The following ITPR2 variants were observed in gnomAD, a reference collection of about 807,000 sequenced individuals.
ITPR2 encodes inositol 1,4,5-trisphosphate receptor type 2, also known as inositol 1,4,5-trisphosphate-gated calcium channel ITPR2.
ITPR2 carries 207 observed loss-of-function variants against 317.1 expected under a neutral mutation model. The observed-to-expected ratio is 0.65, with a 90% CI of 0.58 to 0.73. The LOEUF is 0.73. Ranked by LOEUF, ITPR2 falls within the 30% of genes least tolerant of loss-of-function variation. The pLI is 0.00. For missense variants in ITPR2, 2,613 were observed against 3,284.0 expected (o/e 0.80, Z 4.99); for synonymous variants, 1,156 against 1,149.1 (o/e 1.01, Z -0.12).
chr12:26,565,523 T>TAGACAGAC (rs1209996436), intron 34 of ITPR2, among the ~76,000 whole-genome samples: 1 of 138,890 alleles, frequency 7.2e-6, no homozygotes, highest in Non-Finnish European at 1.6e-5. Context: ...GATAGATAGA[T>TAGACAGAC]AGATAGACAG....
chr12:26,567,355 G>A (rs527932557), intron 34 of ITPR2, among the ~76,000 whole-genome samples: 1 of 152,262 alleles, frequency 6.6e-6, no homozygotes, highest in South Asian at 2.1e-4. Context: ...TCTATAGCCA[G>A]CACCATGGAC....
intron 39 of ITPR2, among the ~76,000 whole-genome samples, chr12:26,489,679 A>G (rs1420076633): frequency 1.3e-5 from 2 of 152,228 alleles, no homozygotes; most frequent in Non-Finnish European, 2.9e-5. Flanking sequence ...TTGAAATTGT[A>G]ATATAAGTAC....
At chr12:26,695,527 G>C in intron 10 of ITPR2, 79 bp downstream of exon 10, 1 of 1,211,496 alleles carries the variant, frequency 8.3e-7, no homozygotes, top group Admixed American at 1.8e-5. Context: ...CTTCAAATTT[G>C]CTATTAAAAT....
intron 49 of ITPR2, among the ~76,000 whole-genome samples, chr12:26,423,775 CT>C (rs1201154297): frequency 1.3e-5 from 2 of 152,042 alleles, no homozygotes; most frequent in Non-Finnish European, 2.9e-5. Context: ...GGGAAGAAAA[CT>C]AGACTGGGTT....
chr12:26,432,167 C>G lies in ITPR2; in HGVS notation c.6769+4054G>C, dbSNP rs932431252. On this transcript the variant is annotated intron_variant, in intron 48 of 56. Transcript: ENST00000381340. ...TACCATCTATCTAGTCAAAGTTAGT[C>G]AATTTCCCAATTTATGTCCTTCTTC... Among the ~76,000 whole-genome samples, 14 of 152,116 alleles carry G rather than the reference C, an allele frequency of 9.2e-5. No homozygotes were observed. In the East Asian group the frequency reaches 2.7e-3, roughly 29 times the overall value.
At chr12:26,541,705 G>C (rs931730802) in intron 37 of ITPR2, among the ~76,000 whole-genome samples, 1 of 152,300 alleles carries the variant, frequency 6.6e-6, no homozygotes, top group Non-Finnish European at 1.5e-5. Flanking sequence ...TTGCAACAAT[G>C]CAATTATTGC....
At chr12:26,472,491 TA>T (rs1366596928) in intron 45 of ITPR2, among the ~76,000 whole-genome samples, 3,259 of 147,662 alleles carry the variant, frequency 0.022, 99 homozygotes, top group African/African-American at 0.066. Context: ...CTGGGAAGTT[TA>T]AAAAAAAAAA....
chr12:26,384,084 T>C (rs2136623055), intron 55 of ITPR2, among the ~76,000 whole-genome samples: 1 of 152,360 alleles, frequency 6.6e-6, no homozygotes, highest in African/African-American at 2.4e-5. Context: ...GCAGAAAATG[T>C]CTGGAAGATT....
chr12:26,388,461 C>T (rs568833366), intron 54 of ITPR2, among the ~76,000 whole-genome samples: 2 of 151,768 alleles, frequency 1.3e-5, no homozygotes, highest in Admixed American at 6.6e-5. Flanking sequence ...TGTAGAAGAC[C>T]CTTTTATTTA....
chr12:26,802,983 T>C (rs186401375), intron 1 of ITPR2, among the ~76,000 whole-genome samples: 14 of 152,336 alleles, frequency 9.2e-5, no homozygotes, highest in Admixed American at 4.6e-4. Flanking sequence ...TTTGAGCATA[T>C]ATGGAATATT....
chr12:26,470,275 A>G (rs1942266479), intron 45 of ITPR2, among the ~76,000 whole-genome samples: 1 of 152,226 alleles, frequency 6.6e-6, no homozygotes. Context: ...TTTTTGCATT[A>G]TGACATGGAA....
At chr12:26,637,986 A>G (rs2136852327) in intron 21 of ITPR2, among the ~76,000 whole-genome samples, 1 of 152,330 alleles carries the variant, frequency 6.6e-6, no homozygotes, top group South Asian at 2.1e-4. Context: ...GAAATAGAAC[A>G]AAACAAAAAC....
At position 26,597,153 on chromosome 12, in the gene ITPR2, A is replaced by G; in HGVS notation, c.4003-19T>C. On this transcript the variant is annotated intron_variant, in intron 30 of 56. Coordinates refer to ENST00000381340, the MANE Select transcript of ITPR2 (RefSeq NM_002223.4). ...TTATCAACTGAAATGATAATAAGAG[A>G]GTCTATGTAGCAGTCCGAACATTCA... 1.2e-6 allele frequency: 2 copies of G among 1,612,808 alleles called. No individual in the cohort carries two copies. The highest frequency in any genetic ancestry group is 1.7e-6 in the Non-Finnish European group (2 of 1,179,712).
chr12:26,678,412 CAGAG>C (rs34253560), intron 13 of ITPR2, among the ~76,000 whole-genome samples: 5 of 149,522 alleles, frequency 3.3e-5, no homozygotes, highest in African/African-American at 4.9e-5. Flanking sequence ...AAAGGGAAGA[CAGAG>C]AGAGAGAGAG....
At chr12:26,754,613 G>A (rs1949488310) in intron 2 of ITPR2, among the ~76,000 whole-genome samples, 2 of 152,202 alleles carry the variant, frequency 1.3e-5, no homozygotes, top group Admixed American at 6.5e-5. Context: ...TTTTGCCTAA[G>A]TTTAGAGAGC....
At chr12:26,588,199 A>G (rs542987297) in intron 32 of ITPR2, among the ~76,000 whole-genome samples, 1 of 152,318 alleles carries the variant, frequency 6.6e-6, no homozygotes, top group South Asian at 2.1e-4. Context: ...GAACCATAGA[A>G]AGTTATGAGA....
At chr12:26,471,165 T>C (rs1207258391) in intron 45 of ITPR2, among the ~76,000 whole-genome samples, 9 of 152,326 alleles carry the variant, frequency 5.9e-5, no homozygotes, top group African/African-American at 2.2e-4. Flanking sequence ...GAAAAGCATA[T>C]AACATTTCTC....
At chr12:26,393,255 A>G (rs1003477570) in intron 54 of ITPR2, among the ~76,000 whole-genome samples, 1 of 152,154 alleles carries the variant, frequency 6.6e-6, no homozygotes, top group South Asian at 2.1e-4. Flanking sequence ...TTCACATCCA[A>G]CTTTACCAGG....
At chr12:26,717,789 CT>C (rs2137035437) in intron 5 of ITPR2, among the ~76,000 whole-genome samples, 1 of 152,312 alleles carries the variant, frequency 6.6e-6, no homozygotes, top group South Asian at 2.1e-4. Flanking sequence ...CACAATATAT[CT>C]TTACATTGTT....
Sources: gnomAD v4.1 joint callset for allele counts (sites outside exome capture counted in the v4.1 genomes callset) on GRCh38, gnomAD v4.1.1 for gene constraint, MANE v1.5 for transcripts, NCBI Gene and HGNC (gene_info 2026-07-23, HGNC 2026-07-21) for gene names.